Variants in IFNLR1 observed in about 807,000 individuals in gnomAD.
IFNLR1 encodes the protein CRF2-12.
A neutral mutation model predicts 52.5 loss-of-function variants in IFNLR1; 28 were observed. The ratio of observed to expected loss-of-function variants is 0.53; its 90% CI spans 0.40 to 0.73. The LOEUF (loss-of-function observed/expected upper bound fraction) is 0.73, where lower values mean the gene tolerates loss of function less well. IFNLR1 is among the 30% of genes least tolerant of loss of function. The probability of loss-of-function intolerance (pLI) is 0.00; values close to 1 mark genes in which losing one functional copy is unlikely to be tolerated. For synonymous variants in IFNLR1, 276 were observed against 274.9 expected (o/e 1.00, Z -0.04); for missense variants, 623 against 659.1 (o/e 0.95, Z 0.60).
intron 2 of IFNLR1, among the ~76,000 whole-genome samples, chr1:24,173,303 A>C (rs1053958151): frequency 2.0e-5 from 3 of 152,176 alleles, no homozygotes; most frequent in Non-Finnish European, 4.4e-5. Flanking sequence ...CACTTCACAA[A>C]AGATATATGA....
intron 1 of IFNLR1, among the ~76,000 whole-genome samples, chr1:24,184,287 A>T (rs1451469088): frequency 6.6e-6 from 1 of 152,162 alleles, no homozygotes; most frequent in Non-Finnish European, 1.5e-5. Flanking sequence ...TCTCGAGGAC[A>T]CTTTCCCTGA....
At chr1:24,172,028 C>T (rs1644586399) in intron 2 of IFNLR1, among the ~76,000 whole-genome samples, 1 of 152,076 alleles carries the variant, frequency 6.6e-6, no homozygotes, top group African/African-American at 2.4e-5. Context: ...CGGTCTCAAA[C>T]TTCTGGCCTC....
intron 3 of IFNLR1, among the ~76,000 whole-genome samples, chr1:24,162,864 T>TCTCCTTCC (rs1644472638): frequency 1.3e-5 from 1 of 74,790 alleles, no homozygotes. Flanking sequence ...TCTTTCTTTC[T>TCTCCTTCC]TTCTTTCTTT....
intron 1 of IFNLR1, among the ~76,000 whole-genome samples, chr1:24,183,173 A>C (rs1213907699): frequency 6.6e-6 from 1 of 152,206 alleles, no homozygotes; most frequent in Non-Finnish European, 1.5e-5. Context: ...ATGTAAGATG[A>C]AAAGTCTGCA....
intron 2 of IFNLR1, among the ~76,000 whole-genome samples, chr1:24,171,589 G>A (rs1218519365): frequency 2.0e-5 from 3 of 151,942 alleles, no homozygotes; most frequent in Non-Finnish European, 2.9e-5. Flanking sequence ...CTGGGCTCAG[G>A]TGATCCTCCT....
Position 24,157,597 on chromosome 1 carries a change from C to A in IFNLR1, c.1096G>T (p.Asp366Tyr). 6.2e-7 allele frequency: 1 copy of A among 1,610,736 alleles called. No homozygotes were observed. Among genetic ancestry groups the A allele is most frequent in the Non-Finnish European group, 8.5e-7 (1 of 1,178,540 alleles). The change falls in exon 7 of 7, where the codon GAC (aspartate) becomes TAC (tyrosine). Residue 366 changes from aspartate (D) to tyrosine (Y), a missense_variant. Coordinates refer to ENST00000327535, the MANE Select transcript of IFNLR1 (RefSeq NM_170743.4). This position sits in a 1 kb window ranked among gnomAD's most constrained non-coding sequence, Gnocchi z 5.1. ...AGAGGAGCCCTGGGCCTCCCTGAGT[C>A]CACCCCACCAGCCTCCGAGTGCCCT... ...APGHSEAGGV[D>Y]SGRPRAPLVP...
chr1:24,162,713 TTCTTTCTTTCTTTTCTTTC>T (rs1392157102), intron 3 of IFNLR1, among the ~76,000 whole-genome samples: 8 of 39,918 alleles, frequency 2.0e-4, no homozygotes, highest in African/African-American at 3.6e-4. Flanking sequence ...TTTCTTTTCT[TTCTTTCTTTCTTTTCTTTC>T]TTTCTTTCTT....
chr1:24,184,927 G>A (rs747110709), intron 1 of IFNLR1, among the ~76,000 whole-genome samples: 2 of 152,134 alleles, frequency 1.3e-5, no homozygotes, highest in African/African-American at 4.8e-5. Flanking sequence ...GCTGAGACAC[G>A]AGAATTGCTT....
intron 2 of IFNLR1, among the ~76,000 whole-genome samples, chr1:24,175,130 C>T (rs1044964351): frequency 1.3e-5 from 2 of 152,208 alleles, no homozygotes; most frequent in African/African-American, 4.8e-5. Flanking sequence ...TGGCTGTGAA[C>T]ACGCAATATC....
chr1:24,158,068 T>A (rs527397637), intron 6 of IFNLR1, among the ~76,000 whole-genome samples, 177 bp from the exon 7 acceptor site: 2 of 152,160 alleles, frequency 1.3e-5, no homozygotes, highest in South Asian at 4.1e-4. Flanking sequence ...GGAAGCAGGG[T>A]GTTATCAAGC....
intron 2 of IFNLR1, among the ~76,000 whole-genome samples, chr1:24,180,074 A>T (rs1406014639): frequency 6.6e-6 from 1 of 152,172 alleles, no homozygotes; most frequent in East Asian, 1.9e-4. Flanking sequence ...AGGTGGGTGG[A>T]TCACCTGAGC....
intron 2 of IFNLR1, among the ~76,000 whole-genome samples, chr1:24,174,483 A>G (rs1385327157): frequency 6.6e-6 from 1 of 152,218 alleles, no homozygotes; most frequent in East Asian, 1.9e-4. Context: ...TGGTAGGAAT[A>G]TAGACATTAA....
chr1:24,163,633 G>A (rs1644489613), intron 3 of IFNLR1, among the ~76,000 whole-genome samples: 2 of 150,404 alleles, frequency 1.3e-5, no homozygotes, highest in Admixed American at 1.3e-4. Flanking sequence ...AGGCTGGAGT[G>A]CAATGGCGTG....
At chr1:24,162,268 T>C (rs1644452371) in intron 3 of IFNLR1, among the ~76,000 whole-genome samples, 1 of 152,150 alleles carries the variant, frequency 6.6e-6, no homozygotes, top group Non-Finnish European at 1.5e-5. Flanking sequence ...TGGGAGCCTC[T>C]CAGCTCCGGA....
At chr1:24,177,729 C>T (rs1266176777) in intron 2 of IFNLR1, among the ~76,000 whole-genome samples, 2 of 152,332 alleles carry the variant, frequency 1.3e-5, no homozygotes, top group East Asian at 3.9e-4. Context: ...ATTAAGTTGA[C>T]ACCTAATATT....
At chr1:24,162,713 TTCTTTCTTTC>T (rs1449126909) in intron 3 of IFNLR1, among the ~76,000 whole-genome samples, 93 of 39,918 alleles carry the variant, frequency 2.3e-3, no homozygotes, top group Non-Finnish European at 2.3e-3. Flanking sequence ...TTTCTTTTCT[TTCTTTCTTTC>T]TTTTCTTTCT....
intron 1 of IFNLR1, among the ~76,000 whole-genome samples, chr1:24,185,573 A>C (rs1644729529): frequency 6.6e-6 from 1 of 152,202 alleles, no homozygotes; most frequent in Non-Finnish European, 1.5e-5. Context: ...TTCTAGACCC[A>C]AAAGTGGGTG....
At chr1:24,159,726 G>GTTTTTTTTTTTTTTGTT in intron 4 of IFNLR1, 93 bp from the exon 5 acceptor site, 5 of 761,904 alleles carry the variant, frequency 6.6e-6, no homozygotes, top group Non-Finnish European at 9.9e-6. Context: ...ATGGTAGGGT[G>GTTTTTTTTTTTTTTGTT]TTTTTTTTTT....
intron 3 of IFNLR1, among the ~76,000 whole-genome samples, chr1:24,168,979 G>A (rs1644549036): frequency 1.3e-5 from 2 of 152,126 alleles, no homozygotes; most frequent in South Asian, 4.1e-4. Context: ...CCTGACCTCA[G>A]GTGATCCACC....
Sources: gnomAD v4.1 joint callset for allele counts (sites outside exome capture counted in the v4.1 genomes callset) on GRCh38, gnomAD v4.1.1 for gene constraint, Gnocchi (gnomAD v3.1) non-coding constraint, MANE v1.5 for transcripts, NCBI Gene and HGNC (gene_info 2026-07-23, HGNC 2026-07-21) for gene names.